The following CCNH variants were observed in gnomAD, a reference collection of about 807,000 sequenced individuals.
CCNH encodes the protein cyclin-H.
In CCNH, 31 loss-of-function variants were observed where a neutral mutation model predicts 41.9. That is an observed-to-expected ratio of 0.74 (90% CI 0.56 to 1.00). The LOEUF (loss-of-function observed/expected upper bound fraction) is 1.00, where lower values mean the gene tolerates loss of function less well. Among genes scored for constraint, CCNH ranks in the 50% least tolerant of loss-of-function variants. The pLI, the probability that CCNH is intolerant of heterozygous loss-of-function variation, is 0.00. For missense variants in CCNH, 362 were observed against 388.4 expected (o/e 0.93, Z 0.57); for synonymous variants, 138 against 136.1 (o/e 1.01, Z -0.10).
intron 9 of CCNH, among the ~76,000 whole-genome samples, chr5:87,367,551 T>G (rs996165858): frequency 6.6e-6 from 1 of 152,228 alleles, no homozygotes; most frequent in Non-Finnish European, 1.5e-5. Context: ...TTCCAGATTA[T>G]TTTCAATATT....
chr5:87,318,864 T>C (rs1305827394), exon 10 of CCNH: 3 of 152,284 alleles, frequency 2.0e-5, no homozygotes, highest in Non-Finnish European at 4.4e-5. Flanking sequence ...CAAAGTCTTA[T>C]CTGAGACAAG....
chr5:87,317,576 C>T (rs929707465), downstream of CCNH, among the ~76,000 whole-genome samples: 9 of 150,224 alleles, frequency 6.0e-5, no homozygotes, highest in African/African-American at 1.7e-4. Context: ...TCTTTTGTCT[C>T]TTCTGTTTTT....
rs1032068401 is a variant in CCNH, at chr5:87,412,930, T to G, written c.-136A>C. 2.8e-6 allele frequency: 4 copies of G among 1,453,512 alleles called. No homozygotes were observed. The highest frequency in any genetic ancestry group is 2.5e-5 in the East Asian group (1 of 40,752). The allele number at this position is 1,453,512 out of a possible 1,614,324, so 90.0% of individuals were successfully genotyped here. On this transcript the variant is annotated 5_prime_UTR_variant, in exon 1 of 9. Transcript: ENST00000256897. ...GTCCGGCTAGCCGGCGCTGGCGCGC[T>G]GTCGTCACGATTACGCGGCCAGCCC...
At chr5:87,324,364 C>T (rs1051521412) in intron 9 of CCNH, among the ~76,000 whole-genome samples, 3 of 151,926 alleles carry the variant, frequency 2.0e-5, no homozygotes, top group African/African-American at 7.3e-5. Flanking sequence ...TTCTTCCCTT[C>T]GTTATCTGTT....
downstream of CCNH, chr5:87,394,134 G>GT (rs912110600): frequency 9.6e-6 from 5 of 520,562 alleles, no homozygotes; most frequent in African/African-American, 6.1e-5. Context: ...ACTAAGTTTT[G>GT]TTTTTTGTGG....
intron 9 of CCNH, among the ~76,000 whole-genome samples, chr5:87,329,281 CAAAA>C (rs571157213): frequency 8.4e-6 from 1 of 119,160 alleles, no homozygotes. Context: ...TCTGTCTCTC[CAAAA>C]AAAAAAAAAA....
At chr5:87,368,744 G>A (rs949392366) in intron 9 of CCNH, among the ~76,000 whole-genome samples, 15 of 152,078 alleles carry the variant, frequency 9.9e-5, no homozygotes, top group African/African-American at 2.9e-4. Flanking sequence ...TCTGCTTAGC[G>A]TCTCAGCTAC....
chr5:87,347,187 T>C (rs1758927837), intron 9 of CCNH, among the ~76,000 whole-genome samples: 2 of 152,056 alleles, frequency 1.3e-5, no homozygotes, highest in African/African-American at 4.8e-5. Context: ...TAGTCTTCAG[T>C]AGAACGATAT....
intron 9 of CCNH, among the ~76,000 whole-genome samples, chr5:87,382,599 A>C (rs923551709): frequency 1.3e-5 from 2 of 152,174 alleles, no homozygotes; most frequent in African/African-American, 4.8e-5. Flanking sequence ...ACATGACAAC[A>C]TATCCTCCCT....
chr5:87,320,337 C>T (rs1756694626), intron 9 of CCNH, among the ~76,000 whole-genome samples: 1 of 152,204 alleles, frequency 6.6e-6, no homozygotes, highest in Non-Finnish European at 1.5e-5. Context: ...AGCAGTGCCA[C>T]ACTTCTCTGG....
At chr5:87,392,196 T>G, downstream of CCNH, 1 of 451,320 alleles carries the variant, frequency 2.2e-6, no homozygotes, top group Non-Finnish European at 4.4e-6. Context: ...CAAGGAGGTG[T>G]TCCCACAGTA....
intron 9 of CCNH, among the ~76,000 whole-genome samples, chr5:87,323,708 A>T (rs1320941141): frequency 6.6e-6 from 1 of 152,124 alleles, no homozygotes; most frequent in Non-Finnish European, 1.5e-5. Context: ...ATCTTTTGAT[A>T]AGTCAATTCT....
chr5:87,348,515 A>T (rs1357012288), intron 9 of CCNH, among the ~76,000 whole-genome samples: 1 of 152,034 alleles, frequency 6.6e-6, no homozygotes, highest in African/African-American at 2.4e-5. Flanking sequence ...TCAGGAGCAT[A>T]CCTATTGAAT....
chr5:87,398,269 G>T (rs996527590), intron 7 of CCNH, among the ~76,000 whole-genome samples: 1 of 152,140 alleles, frequency 6.6e-6, no homozygotes, highest in Non-Finnish European at 1.5e-5. Context: ...AACTGTATAG[G>T]TAAGGAATTT....
At chr5:87,352,642 G>T (rs536246020) in intron 9 of CCNH, among the ~76,000 whole-genome samples, 48 of 151,666 alleles carry the variant, frequency 3.2e-4, no homozygotes, top group Admixed American at 9.2e-4. Context: ...AATCCTACAT[G>T]TAAGATTAGC....
At chr5:87,316,051 T>G (rs1756678093), downstream of CCNH, among the ~76,000 whole-genome samples, 1 of 152,238 alleles carries the variant, frequency 6.6e-6, no homozygotes. Flanking sequence ...TAATACATTT[T>G]AAACTCACAT....
chr5:87,368,322 G>T (rs543786072), intron 9 of CCNH, among the ~76,000 whole-genome samples: 7 of 151,998 alleles, frequency 4.6e-5, no homozygotes, highest in Non-Finnish European at 8.8e-5. Flanking sequence ...TAAAGATACA[G>T]TTTCTGGCAA....
downstream of CCNH, chr5:87,389,582 A>AGTT (rs1386429855): frequency 8.2e-6 from 13 of 1,594,804 alleles, no homozygotes; most frequent in African/African-American, 1.8e-4. Context: ...ACACTTAGAG[A>AGTT]GTTAATAAAT....
intron 9 of CCNH, among the ~76,000 whole-genome samples, chr5:87,344,374 A>T (rs1758691939): frequency 6.6e-6 from 1 of 152,070 alleles, no homozygotes; most frequent in South Asian, 2.1e-4. Flanking sequence ...ATTGAATCTT[A>T]TACTGATTCT....
Sources: allele counts gnomAD v4.1 joint callset (sites outside exome capture counted in the v4.1 genomes callset), GRCh38; gene constraint gnomAD v4.1.1; transcripts MANE v1.5; gene names NCBI Gene and HGNC (gene_info 2026-07-23, HGNC 2026-07-21).